Variants in KCNN2 observed in about 807,000 individuals in gnomAD.
KCNN2 encodes small conductance calcium-activated potassium channel protein 2.
In KCNN2, 24 loss-of-function variants were observed where a neutral mutation model predicts 55.5. The ratio of observed to expected loss-of-function variants is 0.43; its 90% CI spans 0.31 to 0.61. The LOEUF is 0.61. KCNN2 is among the 20% of genes least tolerant of loss of function. KCNN2 has a pLI of 0.08. For missense variants in KCNN2, 754 were observed against 853.6 expected, an observed-to-expected ratio of 0.88 and a Z score of 1.45; for synonymous variants, 431 against 336.1, an observed-to-expected ratio of 1.28 and a Z score of -3.09.
At chr5:114,381,826 C>T (rs1367333220) in intron 2 of KCNN2, among the ~76,000 whole-genome samples, 4 of 152,112 alleles carry the variant, frequency 2.6e-5, no homozygotes, top group Non-Finnish European at 5.9e-5. Context: ...TGCTTGTAAG[C>T]AACATAAGCT....
chr5:114,225,215 G>T (rs574908549), intron 2 of KCNN2, among the ~76,000 whole-genome samples: 2 of 152,292 alleles, frequency 1.3e-5, no homozygotes, highest in African/African-American at 4.8e-5. Flanking sequence ...GAAATTTAAA[G>T]ATCTCATTAA....
intron 1 of KCNN2, among the ~76,000 whole-genome samples, chr5:114,216,639 T>C (rs990146960): frequency 1.3e-5 from 2 of 152,012 alleles, no homozygotes; most frequent in African/African-American, 2.4e-5. Context: ...CATCCTTAAA[T>C]TGGTAGAGAA....
At chr5:114,105,958 T>C (rs1751474466) in intron 1 of KCNN2, among the ~76,000 whole-genome samples, 1 of 152,016 alleles carries the variant, frequency 6.6e-6, no homozygotes, top group African/African-American at 2.4e-5. Flanking sequence ...AGTTTTCTAA[T>C]TTGTTATAGT....
At position 114,423,343 on chromosome 5, in the gene KCNN2, C is replaced by T. The variant is rs149882337; in HGVS notation, c.1637+18487C>T. ...TGGGTTCCTACTCACCCCCACAGCC[C>T]CCAAAAAAGACACAAGAAGAAAAAC... is the stretch of plus-strand genomic sequence containing the variant. On this transcript the variant is annotated intron_variant, in intron 3 of 7. Coordinates refer to ENST00000673685, the MANE Select transcript of KCNN2 (RefSeq NM_021614.4). Among the ~76,000 whole-genome samples the T allele has an allele frequency of 1.5e-3, 231 of 152,004 alleles. 1 individual carries two copies. The highest frequency in any genetic ancestry group is 5.1e-3 in the African/African-American group (212 of 41,448).
chr5:114,095,531 A>T (rs1751237649), intron 1 of KCNN2, among the ~76,000 whole-genome samples: 1 of 152,184 alleles, frequency 6.6e-6, no homozygotes, highest in Admixed American at 6.6e-5. Context: ...AAATTATATC[A>T]TAAAAGGTTC....
chr5:114,086,999 C>CA (rs1161531473), intron 1 of KCNN2, among the ~76,000 whole-genome samples: 4 of 144,222 alleles, frequency 2.8e-5, no homozygotes, highest in African/African-American at 1.2e-4. Context: ...GATGGTATCT[C>CA]ATCGTGGTTC....
At chr5:114,287,642 A>G (rs907032810) in intron 2 of KCNN2, among the ~76,000 whole-genome samples, 2 of 151,968 alleles carry the variant, frequency 1.3e-5, no homozygotes, top group African/African-American at 4.8e-5. Context: ...ACAAATACCT[A>G]ATGCATGTGG....
chr5:114,359,334 C>G (rs1323084539), upstream of KCNN2, among the ~76,000 whole-genome samples: 1 of 152,160 alleles, frequency 6.6e-6, no homozygotes, highest in Non-Finnish European at 1.5e-5. Flanking sequence ...GTGAGAACTC[C>G]ATGCAACATT....
At chr5:114,179,294 C>T (rs1011755728) in intron 1 of KCNN2, among the ~76,000 whole-genome samples, 1 of 152,206 alleles carries the variant, frequency 6.6e-6, no homozygotes, top group African/African-American at 2.4e-5. Context: ...TGATTGTTGT[C>T]ACACCTCTGT....
intron 3 of KCNN2, among the ~76,000 whole-genome samples, chr5:114,449,208 C>G (rs1418244748): frequency 6.6e-6 from 1 of 152,168 alleles, no homozygotes; most frequent in African/African-American, 2.4e-5. Flanking sequence ...GGACCTCTGA[C>G]TAACCTTTTC....
intron 2 of KCNN2, among the ~76,000 whole-genome samples, chr5:114,247,734 G>A (rs1754775596): frequency 6.6e-6 from 1 of 152,064 alleles, no homozygotes. Context: ...AAGAGTAAAT[G>A]ATTTAATCCA....
At chr5:114,188,226 C>T (rs1212426199) in intron 1 of KCNN2, among the ~76,000 whole-genome samples, 3 of 152,164 alleles carry the variant, frequency 2.0e-5, no homozygotes, top group African/African-American at 4.8e-5. Context: ...AGGGTTTTAA[C>T]CTAGCTACCT....
rs1232921603 is a variant in KCNN2 at position 114,241,755 on chromosome 5, TATATATACGTATATATATAC to T, written c.-185+20209_-185+20228del. On this transcript the variant is annotated intron_variant, in intron 2 of 10. Transcript: ENST00000512097. Reference sequence around the variant, plus strand: ...ATACATATATACGTATATATATGTATATATATACGTATATATATACATATATACGTATATATATGTATATA... The same window carrying T: ...ATACATATATACGTATATATATGTATATATATACGTATATATATGTATATA... Among the ~76,000 whole-genome samples the T allele has an allele frequency of 1.3e-4, 3 of 22,500 alleles. 1 individual carries two copies. Among genetic ancestry groups the T allele is most frequent in the African/African-American group, 2.5e-4 (1 of 4,066 alleles). The allele number at this position is 22,500 out of a possible 152,430, so 14.8% of individuals were successfully genotyped here.
chr5:114,362,177 C>G lies in KCNN2; in HGVS notation c.38C>G (p.Pro13Arg). 5.7e-6 allele frequency: 1 copy of G among 174,408 alleles called. No individual in the cohort carries two copies. The highest frequency in any genetic ancestry group is 1.2e-5 in the Non-Finnish European group (1 of 84,054). 10.8% of individuals were successfully genotyped at this position (174,408 alleles called of 1,614,324 possible). A position where few individuals can be genotyped will look rare whatever the true frequency, so the allele number is the denominator to read the frequency against. Residue 13 changes from proline (P) to arginine (R), a missense_variant, in exon 1 of 8, where the codon CCA becomes CGA. Transcript: ENST00000673685. ...TPLQFQRGFF[P>R]EQPPPPPRSS... ...TTGCAGTTCCAGCGCGGCTTCTTCCCAGAGCAGCCGCCGCCGCCGCCGCGC... is the reference window on the plus strand; with the variant it reads ...TTGCAGTTCCAGCGCGGCTTCTTCCGAGAGCAGCCGCCGCCGCCGCCGCGC...
In KCNN2 at chr5:114,304,275, A is replaced by G. The variant is rs148695652; in HGVS notation, c.-184-56670A>G. Reference sequence around the variant, plus strand: ...GCTATAAGACAGTTTTTACGAGGCCATAGTTGTAAATTATTGGAGGAGAGT... The same window carrying G: ...GCTATAAGACAGTTTTTACGAGGCCGTAGTTGTAAATTATTGGAGGAGAGT... On this transcript the variant is annotated intron_variant, in intron 2 of 10. Coordinates refer to the KCNN2 transcript ENST00000512097. Among the ~76,000 whole-genome samples, 13 of 152,280 alleles carry G rather than the reference A, an allele frequency of 8.5e-5. No individual in the cohort carries two copies. In the East Asian group the frequency reaches 2.5e-3, roughly 29 times the overall value.
intron 3 of KCNN2, among the ~76,000 whole-genome samples, chr5:114,453,276 C>T (rs1470404531): frequency 1.3e-5 from 2 of 152,184 alleles, no homozygotes; most frequent in Non-Finnish European, 2.9e-5. Flanking sequence ...TTCCTACTGC[C>T]AGATTTTTCA....
chr5:114,258,883 T>C (rs1755040610), intron 2 of KCNN2, among the ~76,000 whole-genome samples: 1 of 152,178 alleles, frequency 6.6e-6, no homozygotes, highest in Non-Finnish European at 1.5e-5. Flanking sequence ...ACACTGATGC[T>C]CCATGTGGAG....
chr5:114,268,667 G>A (rs1206902521), intron 2 of KCNN2, among the ~76,000 whole-genome samples: 1 of 152,210 alleles, frequency 6.6e-6, no homozygotes, highest in Non-Finnish European at 1.5e-5. Flanking sequence ...AATCTAGACT[G>A]AAGTTCTGAC....
intron 3 of KCNN2, among the ~76,000 whole-genome samples, chr5:114,456,382 G>A (rs1017163202): frequency 1.3e-5 from 2 of 152,080 alleles, no homozygotes; most frequent in Non-Finnish European, 2.9e-5. Context: ...TTTGAGTTCT[G>A]TTGCTCAAAA....
Sources: gnomAD v4.1 joint callset for allele counts (sites outside exome capture counted in the v4.1 genomes callset) on GRCh38, gnomAD v4.1.1 for gene constraint, MANE v1.5 for transcripts, NCBI Gene and HGNC (gene_info 2026-07-23, HGNC 2026-07-21) for gene names.